CHL1: variants seen among roughly 807,000 people sequenced by gnomAD.
CHL1 encodes the protein cell adhesion molecule L1 like.
CHL1 carries 96 observed loss-of-function variants against 141.9 expected under a neutral mutation model. The ratio of observed to expected loss-of-function variants is 0.68; its 90% CI spans 0.57 to 0.80. The LOEUF is 0.80. Ranked by LOEUF, CHL1 falls within the 30% of genes least tolerant of loss-of-function variation. The pLI is 0.00. For missense variants in CHL1, 1,820 were observed against 1,457.2 expected (o/e 1.25, Z -4.05); for synonymous variants, 613 against 502.2 (o/e 1.22, Z -2.95).
chr3:344,833 C>G, intron 9 of CHL1, 124 bp downstream of exon 9: 1 of 938,672 alleles, frequency 1.1e-6, no homozygotes, highest in Non-Finnish European at 1.6e-6. Context: ...AAATTAAATT[C>G]TGCCGGGCAC....
intron 2 of CHL1, among the ~76,000 whole-genome samples, chr3:283,272 A>G (rs948662193): frequency 1.1e-4 from 17 of 152,202 alleles, no homozygotes; most frequent in African/African-American, 4.1e-4. Context: ...GTCTTCCCCT[A>G]ATGTTTGCAT....
At chr3:351,862 A>T (rs896518209) in intron 10 of CHL1, among the ~76,000 whole-genome samples, 1 of 152,174 alleles carries the variant, frequency 6.6e-6, no homozygotes, top group Non-Finnish European at 1.5e-5. Context: ...TTGACTAGGT[A>T]CAACTGTATA....
At chr3:246,284 C>G (rs565682476) in intron 2 of CHL1, among the ~76,000 whole-genome samples, 2 of 152,184 alleles carry the variant, frequency 1.3e-5, no homozygotes, top group Non-Finnish European at 2.9e-5. Context: ...TTTCTCTTGA[C>G]ATTATGAAAA....
chr3:265,761 T>A (rs1695096267), intron 2 of CHL1, among the ~76,000 whole-genome samples: 1 of 152,182 alleles, frequency 6.6e-6, no homozygotes, highest in Non-Finnish European at 1.5e-5. Flanking sequence ...ATTTCAAGGT[T>A]TTTAAAACTC....
intron 24 of CHL1, among the ~76,000 whole-genome samples, chr3:397,836 G>T (rs1560765): frequency 0.82 from 124,403 of 152,064 alleles, 54,686 homozygotes; most frequent in East Asian, 1. Flanking sequence ...GCAATATATA[G>T]TTAGTTACGA....
intron 10 of CHL1, among the ~76,000 whole-genome samples, chr3:352,193 G>T (rs1390208720): frequency 6.6e-6 from 1 of 152,032 alleles, no homozygotes; most frequent in Non-Finnish European, 1.5e-5. Context: ...AGAAATCCTT[G>T]TTTTCAAATA....
intron 1 of CHL1, among the ~76,000 whole-genome samples, chr3:229,898 CT>C: frequency 6.6e-6 from 1 of 152,308 alleles, no homozygotes; most frequent in East Asian, 1.9e-4. Flanking sequence ...GATAAAATTT[CT>C]CTCCCTCCGG....
At chr3:276,650 G>C (rs948758296) in intron 2 of CHL1, among the ~76,000 whole-genome samples, 12 of 152,068 alleles carry the variant, frequency 7.9e-5, no homozygotes, top group Non-Finnish European at 1.5e-4. Flanking sequence ...AGCACTTTGG[G>C]AGGCCGAGGG....
intron 1 of CHL1, among the ~76,000 whole-genome samples, chr3:224,010 A>G (rs1235106897): frequency 6.6e-6 from 1 of 152,160 alleles, no homozygotes; most frequent in Non-Finnish European, 1.5e-5. Flanking sequence ...GGTTTTCACA[A>G]TAATGATGTT....
At chr3:339,967 C>A (rs1190433344) in intron 5 of CHL1, among the ~76,000 whole-genome samples, 1 of 152,058 alleles carries the variant, frequency 6.6e-6, no homozygotes, top group Non-Finnish European at 1.5e-5. Flanking sequence ...TGCAAATTCC[C>A]CCACCAAAAG....
intron 15 of CHL1, among the ~76,000 whole-genome samples, chr3:376,803 C>G (rs755337995): frequency 3.3e-5 from 5 of 152,070 alleles, no homozygotes; most frequent in East Asian, 3.9e-4. Context: ...TTTATTATGT[C>G]TAGAATTATG....
intron 20 of CHL1, among the ~76,000 whole-genome samples, chr3:389,887 T>C (rs929963162): frequency 6.6e-6 from 1 of 152,204 alleles, no homozygotes; most frequent in South Asian, 2.1e-4. Flanking sequence ...GGAGCTTTCC[T>C]AATACTGATG....
intron 2 of CHL1, among the ~76,000 whole-genome samples, chr3:257,638 C>T (rs987269783): frequency 2.0e-5 from 3 of 152,120 alleles, no homozygotes; most frequent in Non-Finnish European, 4.4e-5. Flanking sequence ...AAGTGTGAGC[C>T]ACTGTGCCTG....
chr3:223,246 T>A (rs1701016491), intron 1 of CHL1, among the ~76,000 whole-genome samples: 1 of 152,192 alleles, frequency 6.6e-6, no homozygotes, highest in South Asian at 2.1e-4. Context: ...TCATCACCCA[T>A]CACTATCCCT....
Position 314,309 on chromosome 3 carries a change from T to TCTCTC in CHL1, c.-94-5374_-94-5373insCTCTC, listed in dbSNP as rs1553562691. 1.4e-4 allele frequency among the ~76,000 whole-genome samples: 14 copies of TCTCTC among 98,234 alleles called. No homozygotes were observed. The South Asian group carries it at 1.7e-3, about 12-fold the overall frequency. 64.4% of individuals were successfully genotyped at this position (98,234 alleles called of 152,430 possible). On this transcript the variant is annotated intron_variant, in intron 2 of 27. Transcript: ENST00000256509. ...CCCCCCAATCTTGCACTCTCTCTCTTTCTCTCTCTCTCTCTATGTGTATAT... is the reference window on the plus strand; with the variant it reads ...CCCCCCAATCTTGCACTCTCTCTCTTCTCTCTCTCTCTCTCTCTCTATGTGTATAT...
intron 2 of CHL1, among the ~76,000 whole-genome samples, chr3:282,189 G>T (rs932036442): frequency 2.0e-5 from 3 of 151,954 alleles, no homozygotes; most frequent in Non-Finnish European, 4.4e-5. Flanking sequence ...AATACAATTA[G>T]CATTTTACTA....
chr3:239,234 C>A (rs1692305239), intron 1 of CHL1, among the ~76,000 whole-genome samples: 1 of 152,168 alleles, frequency 6.6e-6, no homozygotes, highest in Non-Finnish European at 1.5e-5. Context: ...TAGATCTCAG[C>A]CTAGTGCTAA....
At chr3:230,438 G>T (rs1389675789) in intron 1 of CHL1, among the ~76,000 whole-genome samples, 1 of 152,016 alleles carries the variant, frequency 6.6e-6, no homozygotes, top group Non-Finnish European at 1.5e-5. Context: ...TCTTTCTAGT[G>T]AAAGACTGAC....
intron 11 of CHL1, among the ~76,000 whole-genome samples, chr3:359,380 T>A (rs1704004647): frequency 6.6e-6 from 1 of 152,150 alleles, no homozygotes; most frequent in South Asian, 2.1e-4. Context: ...CTTGGCTCAC[T>A]GTAACCTCCA....
Sources: gnomAD v4.1 joint callset for allele counts (sites outside exome capture counted in the v4.1 genomes callset) on GRCh38, gnomAD v4.1.1 for gene constraint, MANE v1.5 for transcripts, NCBI Gene and HGNC (gene_info 2026-07-23, HGNC 2026-07-21) for gene names.